KIF5C: variants seen among roughly 807,000 people sequenced by gnomAD.
KIF5C encodes kinesin family member 5C.
A neutral mutation model predicts 125.2 loss-of-function variants in KIF5C; 18 were observed. The ratio of observed to expected loss-of-function variants is 0.14; its 90% CI spans 0.10 to 0.21. KIF5C has a LOEUF of 0.21. KIF5C is among the 10% of genes least tolerant of loss of function. The probability of loss-of-function intolerance (pLI) is 1.00; values close to 1 mark genes in which losing one functional copy is unlikely to be tolerated. For missense variants in KIF5C, 780 were observed against 1,183.8 expected, an observed-to-expected ratio of 0.66 and a Z score of 5.01; for synonymous variants, 405 against 434.0, an observed-to-expected ratio of 0.93 and a Z score of 0.83.
At position 149,023,571 on chromosome 2, in the gene KIF5C, G is replaced by A. The variant is rs1293325524; in HGVS notation, c.*501G>A. 2 of 152,554 alleles carry A rather than the reference G, an allele frequency of 1.3e-5. No individual in the cohort carries two copies. Among genetic ancestry groups the A allele is most frequent in the African/African-American group, 2.4e-5 (1 of 41,414 alleles). 9.5% of individuals were successfully genotyped at this position (152,554 alleles called of 1,614,324 possible). ...AAGTTTTCCTTCTGAACACTTTTCC[G>A]AAACAAATTACCCCAAAGACACATT... is the stretch of plus-strand genomic sequence containing the variant. On this transcript the variant is annotated 3_prime_UTR_variant, in exon 26 of 26. Transcript: ENST00000435030.
chr2:148,944,769 A>G (rs559466133), intron 7 of KIF5C, among the ~76,000 whole-genome samples: 1 of 152,236 alleles, frequency 6.6e-6, no homozygotes, highest in Admixed American at 6.5e-5. Context: ...TCTATTCCTA[A>G]CAGCAGTACA....
At chr2:148,962,151 T>C (rs1322804532) in intron 11 of KIF5C, 32 bp downstream of exon 11, 1 of 1,558,146 alleles carries the variant, frequency 6.4e-7, no homozygotes, top group Admixed American at 2.1e-5. Context: ...GAGTGAGGCA[T>C]GAGTGTGTGC....
At chr2:148,946,095 T>G (rs1682514972) in intron 7 of KIF5C, among the ~76,000 whole-genome samples, 1 of 152,336 alleles carries the variant, frequency 6.6e-6, no homozygotes, top group East Asian at 1.9e-4. Context: ...CTTAATTTTT[T>G]GGGTTGTTCA....
intron 11 of KIF5C, among the ~76,000 whole-genome samples, chr2:148,971,992 T>C (rs978898206): frequency 1.3e-5 from 2 of 152,194 alleles, no homozygotes; most frequent in African/African-American, 4.8e-5. Context: ...TGGAGTGCAA[T>C]GGCGCGATCT....
chr2:148,875,723 G>A lies in KIF5C; in HGVS notation c.106G>A (p.Asp36Asn). 1 of 1,604,704 alleles carries A rather than the reference G, an allele frequency of 6.2e-7. No individual in the cohort carries two copies. Among genetic ancestry groups the A allele is most frequent in the Non-Finnish European group, 8.5e-7 (1 of 1,176,078 alleles). Residue 36 changes from aspartate to asparagine, a missense_variant, in exon 1 of 26, where the codon GAT becomes AAT. By Grantham distance (23) the Asp-to-Asn change is conservative (BLOSUM62 1). Around this residue, in one of 2 missense-constraint regions of KIF5C, gnomAD observed 207 missense variants for 441.2 expected, o/e 0.47. Transcript: ENST00000435030. ...GDKFIPKFKGDETVVIGQGKP... is the reference protein window; with the variant it reads ...GDKFIPKFKGNETVVIGQGKP... ...CAAATTCATCCCCAAATTTAAAGGC[G>A]ATGAGACCGTGGTGATCGGGGTAAG...
intron 15 of KIF5C, among the ~76,000 whole-genome samples, chr2:148,984,519 T>C (rs544137052): frequency 2.0e-5 from 3 of 152,126 alleles, no homozygotes; most frequent in Non-Finnish European, 2.9e-5. Context: ...GGTAGCAAAA[T>C]AGCTGCTGTA....
intron 25 of KIF5C, among the ~76,000 whole-genome samples, chr2:149,015,032 T>C (rs1220766497): frequency 1.3e-5 from 2 of 151,948 alleles, no homozygotes; most frequent in Admixed American, 1.3e-4. Context: ...CTACTAAAAA[T>C]AGAAAAATTA....
Position 148,973,529 on chromosome 2 carries a change from C to A in KIF5C, c.1293+18C>A, listed in dbSNP as rs541237023. On this transcript the variant is annotated intron_variant, in intron 12 of 25. Coordinates refer to ENST00000435030, the MANE Select transcript of KIF5C (RefSeq NM_004522.3). ...ATGACAAGGTCTGTGGCCAGAGATT[C>A]ATAGTTCTCATTCTGCTACAAAGAT... The A allele has an allele frequency of 7.5e-6, 12 of 1,590,572 alleles. No homozygotes were observed. Among genetic ancestry groups the A allele is most frequent in the African/African-American group, 4.0e-5 (3 of 74,368 alleles).
chr2:148,890,076 A>T (rs1048716662), intron 1 of KIF5C, among the ~76,000 whole-genome samples: 1 of 152,194 alleles, frequency 6.6e-6, no homozygotes, highest in Non-Finnish European at 1.5e-5. Flanking sequence ...TGGTGCCTTA[A>T]CTATCATGTT....
intron 12 of KIF5C, among the ~76,000 whole-genome samples, chr2:148,976,166 A>T (rs1324959841): frequency 2.6e-5 from 4 of 152,194 alleles, no homozygotes; most frequent in Non-Finnish European, 5.9e-5. Flanking sequence ...AAACATTTTT[A>T]TACTTAAAGG....
chr2:148,940,313 A>G (rs1203172423), intron 4 of KIF5C, among the ~76,000 whole-genome samples: 1 of 152,182 alleles, frequency 6.6e-6, no homozygotes, highest in Non-Finnish European at 1.5e-5. Context: ...TGTGTCCATG[A>G]GAGATGGGCC....
chr2:148,888,075 T>C (rs1465173790), intron 1 of KIF5C, among the ~76,000 whole-genome samples: 6 of 152,180 alleles, frequency 3.9e-5, no homozygotes, highest in Admixed American at 3.9e-4. Context: ...GTGGGTGACA[T>C]TGAGAACCCC....
Position 148,997,304 on chromosome 2 carries a change from A to G in KIF5C, c.2064A>G (p.Glu688=). ...HEVSFQDKEK[E]HLTRLQDAEE... The stretch of plus-strand genomic sequence containing the variant: ...TCAGCTTCCAGGATAAGGAGAAGGA[A>G]CATCTGACGCGGTTGCAGGATGCTG... Residue 688 remains glutamate, a synonymous_variant, in exon 18 of 26, where the codon GAA becomes GAG. Coordinates refer to ENST00000435030, the MANE Select transcript of KIF5C (RefSeq NM_004522.3). 6.2e-7 allele frequency: 1 copy of G among 1,613,970 alleles called. No homozygotes were observed. Among genetic ancestry groups the G allele is most frequent in the Non-Finnish European group, 8.5e-7 (1 of 1,179,850 alleles).
In KIF5C at chr2:149,025,576, A is replaced by T. The variant is rs1682665032; in HGVS notation, c.*2506A>T. 6.6e-6 allele frequency: 1 copy of T among 152,252 alleles called. No individual in the cohort carries two copies. Among genetic ancestry groups the T allele is most frequent in the Non-Finnish European group, 1.5e-5 (1 of 68,036 alleles). The allele number at this position is 152,252 out of a possible 1,614,324, so 9.4% of individuals were successfully genotyped here. On this transcript the variant is annotated 3_prime_UTR_variant, in exon 26 of 26. Transcript: ENST00000435030. Reference sequence around the variant, plus strand: ...TAAGCTCATGAATATGATTTTGGTTATATGCAGCTTTTGACTAGCATGTAT... The same window carrying T: ...TAAGCTCATGAATATGATTTTGGTTTTATGCAGCTTTTGACTAGCATGTAT...
intron 25 of KIF5C, among the ~76,000 whole-genome samples, chr2:149,022,807 C>T (rs1216673771): frequency 6.6e-6 from 1 of 152,092 alleles, no homozygotes; most frequent in Non-Finnish European, 1.5e-5. Context: ...CCTTGTAATC[C>T]CAGCTACTTG....
chr2:149,011,003 CT>C (rs11400596), intron 24 of KIF5C, among the ~76,000 whole-genome samples: 1,876 of 145,234 alleles, frequency 0.013, 9 homozygotes, highest in African/African-American at 0.018. Flanking sequence ...GCTTCTTCTC[CT>C]TTTTTTTTTT....
At chr2:148,916,551 G>A (rs186169726) in intron 1 of KIF5C, among the ~76,000 whole-genome samples, 17 of 152,190 alleles carry the variant, frequency 1.1e-4, no homozygotes, top group Non-Finnish European at 1.8e-4. Flanking sequence ...GTGAATGACC[G>A]TCACTTTTTC....
intron 19 of KIF5C, among the ~76,000 whole-genome samples, chr2:148,999,743 C>CCTTTCAAATGCCTTTGAAA (rs1406523592): frequency 6.6e-6 from 1 of 152,234 alleles, no homozygotes; most frequent in Non-Finnish European, 1.5e-5. Context: ...GGAAGCTTCC[C>CCTTTCAAATGCCTTTGAAA]TGGCTTGTGC....
chr2:148,918,299 C>T (rs964879866), intron 1 of KIF5C, among the ~76,000 whole-genome samples: 2 of 152,194 alleles, frequency 1.3e-5, no homozygotes, highest in Non-Finnish European at 2.9e-5. Flanking sequence ...GTGTGTGTCT[C>T]ATCCAGATTC....
Sources: gnomAD v4.1 joint callset for allele counts (sites outside exome capture counted in the v4.1 genomes callset) on GRCh38, gnomAD v4.1.1 for gene constraint, gnomAD v4.1.1 regional missense constraint, MANE v1.5 for transcripts, NCBI Gene and HGNC (gene_info 2026-07-23, HGNC 2026-07-21) for gene names.